The following AMOTL1 variants were observed in gnomAD, a reference collection of about 807,000 sequenced individuals.
AMOTL1 encodes the protein angiomotin-like protein 1.
A neutral mutation model predicts 102.9 loss-of-function variants in AMOTL1; 45 were observed. The observed-to-expected ratio is 0.44, with a 90% CI of 0.34 to 0.56. AMOTL1 has a LOEUF of 0.56. AMOTL1 is among the 20% of genes least tolerant of loss of function. AMOTL1 has a pLI of 0.01. For missense variants in AMOTL1, 1,114 were observed against 1,225.6 expected (o/e 0.91, Z 1.36); for synonymous variants, 481 against 484.7 (o/e 0.99, Z 0.10).
chr11:94,793,009 C>T (rs2135556139), intron 1 of AMOTL1, among the ~76,000 whole-genome samples: 1 of 152,136 alleles, frequency 6.6e-6, no homozygotes, highest in East Asian at 1.9e-4. Flanking sequence ...CCATACTGAG[C>T]TCCACATTGA....
chr11:94,791,168 G>C (rs1466002860), intron 1 of AMOTL1, among the ~76,000 whole-genome samples: 1 of 152,182 alleles, frequency 6.6e-6, no homozygotes, highest in Non-Finnish European at 1.5e-5. Context: ...TTTTCATGTT[G>C]ACAAATGACG....
intron 3 of AMOTL1, among the ~76,000 whole-genome samples, chr11:94,813,923 A>G (rs1044954832): frequency 6.6e-6 from 1 of 152,224 alleles, no homozygotes; most frequent in Non-Finnish European, 1.5e-5. Flanking sequence ...ATGAAAGGGC[A>G]GAAACCCATT....
At position 94,799,445 on chromosome 11, in the gene AMOTL1, G is replaced by A; in HGVS notation, c.255G>A (p.Val85=). The A allele has an allele frequency of 6.2e-7, 1 of 1,602,386 alleles. No individual in the cohort carries two copies. The highest frequency in any genetic ancestry group is 8.5e-7 in the Non-Finnish European group (1 of 1,174,090). ...CAAACTTCCTGAGGATCTCAGAGGT[G>A]GAAATGAGAGGTTCCGAGGATGCGG... The part of the protein sequence containing the change: ...HSPNFLRISE[V]EMRGSEDAAA... The change falls in exon 3 of 13, where the codon GTG becomes GTA. Residue 85 remains valine (V), a synonymous_variant. Coordinates refer to ENST00000433060, the MANE Select transcript of AMOTL1 (RefSeq NM_130847.3). The surrounding 1 kb of genome is among the most constrained non-coding windows in gnomAD (Gnocchi z 4.5).
intron 1 of AMOTL1, among the ~76,000 whole-genome samples, chr11:94,718,232 G>T (rs1246260524): frequency 1.3e-5 from 2 of 151,698 alleles, no homozygotes; most frequent in Non-Finnish European, 2.9e-5. Context: ...CAATTTACAG[G>T]AAATTTGTCA....
chr11:94,824,097 T>C (rs1481323719), intron 4 of AMOTL1, among the ~76,000 whole-genome samples: 1 of 152,204 alleles, frequency 6.6e-6, no homozygotes, highest in East Asian at 1.9e-4. Flanking sequence ...TGTCTCAGTA[T>C]TCCTGCACAG....
intron 1 of AMOTL1, among the ~76,000 whole-genome samples, chr11:94,718,768 T>C (rs1950133122): frequency 6.6e-6 from 1 of 151,952 alleles, no homozygotes; most frequent in African/African-American, 2.4e-5. Flanking sequence ...TATTGATATA[T>C]AGAAACATTT....
At chr11:94,804,800 C>G (rs1390041959) in intron 3 of AMOTL1, among the ~76,000 whole-genome samples, 1 of 152,276 alleles carries the variant, frequency 6.6e-6, no homozygotes, top group East Asian at 1.9e-4. Flanking sequence ...TTTTCTAGAA[C>G]TCTGTCTTCA....
At chr11:94,840,195 A>C (rs1952268128) in intron 6 of AMOTL1, among the ~76,000 whole-genome samples, 1 of 152,220 alleles carries the variant, frequency 6.6e-6, no homozygotes, top group South Asian at 2.1e-4. Flanking sequence ...GAATACAACG[A>C]GTAACTCCGT....
intron 3 of AMOTL1, 146 bp downstream of exon 3, chr11:94,800,457 G>T (rs911120611): frequency 2.6e-5 from 23 of 887,726 alleles, no homozygotes; most frequent in Admixed American, 8.5e-5. Context: ...TTTGTGGCCA[G>T]AATATATAGG....
chr11:94,859,487 T>C (rs892925072), intron 8 of AMOTL1, 38 bp from the exon 9 acceptor site: 4 of 1,569,346 alleles, frequency 2.5e-6, no homozygotes, highest in Non-Finnish European at 3.5e-6. Context: ...AGCATTGATG[T>C]GGTTTTGAGC....
intron 3 of AMOTL1, among the ~76,000 whole-genome samples, chr11:94,807,149 G>GC (rs1383302694): frequency 3.3e-5 from 5 of 151,822 alleles, no homozygotes; most frequent in Non-Finnish European, 4.4e-5. Context: ...CTCCCATTCC[G>GC]CCCCCCAAAA....
intron 3 of AMOTL1, among the ~76,000 whole-genome samples, chr11:94,811,638 CAGAT>C (rs1951684344): frequency 6.6e-6 from 1 of 151,666 alleles, no homozygotes; most frequent in Non-Finnish European, 1.5e-5. Flanking sequence ...TTGATCAAGT[CAGAT>C]AGAGCTGGTC....
chr11:94,768,349 C>G, upstream of AMOTL1: 2 of 1,371,450 alleles, frequency 1.5e-6, no homozygotes, highest in Non-Finnish European at 1.9e-6. Context: ...GCGCGGACGG[C>G]GGCGGGAGCG....
intron 3 of AMOTL1, among the ~76,000 whole-genome samples, chr11:94,760,981 T>A (rs1950785092): frequency 6.6e-6 from 1 of 152,066 alleles, no homozygotes; most frequent in Non-Finnish European, 1.5e-5. Flanking sequence ...ACTGTGTTGC[T>A]CAGGCTGGTC....
At chr11:94,855,416 GCACAGAGTTA>G (rs981841626) in intron 8 of AMOTL1, among the ~76,000 whole-genome samples, 4 of 152,168 alleles carry the variant, frequency 2.6e-5, no homozygotes, top group African/African-American at 9.7e-5. Flanking sequence ...ACATACTTTG[GCACAGAGTTA>G]CACCGTTCAG....
chr11:94,797,694 T>C (rs1393339340), intron 2 of AMOTL1, among the ~76,000 whole-genome samples: 1 of 152,194 alleles, frequency 6.6e-6, no homozygotes, highest in Non-Finnish European at 1.5e-5. Flanking sequence ...GAGATGCATT[T>C]TTCTAGGCAG....
chr11:94,834,087 G>A lies in AMOTL1; in HGVS notation c.1648+2546G>A, dbSNP rs951172352. Among the ~76,000 whole-genome samples, 3 of 152,276 alleles carry A rather than the reference G, an allele frequency of 2.0e-5. No homozygotes were observed. The South Asian group carries it at 6.2e-4, about 32-fold the overall frequency. On this transcript the variant is annotated intron_variant, in intron 6 of 12. Transcript: ENST00000433060. ...CATTTTAGCATGTGGGTACAGAATGGCAGGCATGAATTACTGCCTCTCTTC... is the reference window on the plus strand; with the variant it reads ...CATTTTAGCATGTGGGTACAGAATGACAGGCATGAATTACTGCCTCTCTTC...
chr11:94,744,055 TTTAA>T (rs1950561704), intron 3 of AMOTL1, among the ~76,000 whole-genome samples: 1 of 152,176 alleles, frequency 6.6e-6, no homozygotes, highest in Admixed American at 6.5e-5. Flanking sequence ...TGTCCTAGAA[TTTAA>T]TTAAATTTTA....
intron 3 of AMOTL1, among the ~76,000 whole-genome samples, chr11:94,815,624 A>G (rs1951751991): frequency 6.6e-6 from 1 of 152,068 alleles, no homozygotes; most frequent in African/African-American, 2.4e-5. Context: ...TATAAAAGAA[A>G]TGTGTTCTTA....
Sources: gnomAD v4.1 joint callset for allele counts (sites outside exome capture counted in the v4.1 genomes callset) on GRCh38, gnomAD v4.1.1 for gene constraint, Gnocchi (gnomAD v3.1) non-coding constraint, MANE v1.5 for transcripts, NCBI Gene and HGNC (gene_info 2026-07-23, HGNC 2026-07-21) for gene names.